Variants in CNTN5 observed in about 807,000 individuals in gnomAD.
CNTN5 encodes contactin 5.
Under a neutral mutation model 129.1 loss-of-function variants are expected in CNTN5, and 77 were observed. The observed-to-expected ratio is 0.60, with a 90% CI of 0.50 to 0.72. The LOEUF is 0.72. Ranked by LOEUF, CNTN5 falls within the 30% of genes least tolerant of loss-of-function variation. The pLI is 0.00. For missense variants in CNTN5, 1,478 were observed against 1,328.8 expected, an observed-to-expected ratio of 1.11 and a Z score of -1.75; for synonymous variants, 509 against 465.6, an observed-to-expected ratio of 1.09 and a Z score of -1.20.
intron 3 of CNTN5, among the ~76,000 whole-genome samples, chr11:99,556,501 C>T (rs1376583020): frequency 7.2e-6 from 1 of 139,276 alleles, no homozygotes; most frequent in Non-Finnish European, 1.5e-5. Context: ...TGAGTATTTA[C>T]CTCCTTGACA....
intron 15 of CNTN5, among the ~76,000 whole-genome samples, chr11:100,209,731 A>T (rs1948987486): frequency 6.6e-6 from 1 of 152,200 alleles, no homozygotes; most frequent in African/African-American, 2.4e-5. Context: ...TGATAAAAAC[A>T]AAAGCAGGTA....
chr11:99,339,808 T>G (rs1260967648), intron 2 of CNTN5, among the ~76,000 whole-genome samples: 1 of 150,208 alleles, frequency 6.7e-6, no homozygotes, highest in Non-Finnish European at 1.5e-5. Flanking sequence ...AAAAATGCCC[T>G]GAAGCAAGAA....
At chr11:100,003,399 T>A (rs1939999143) in intron 9 of CNTN5, among the ~76,000 whole-genome samples, 1 of 152,134 alleles carries the variant, frequency 6.6e-6, no homozygotes, top group African/African-American at 2.4e-5. Context: ...CTGTGTCAAA[T>A]AGGTCTGAAA....
At chr11:100,024,752 G>C (rs1199730044) in intron 9 of CNTN5, among the ~76,000 whole-genome samples, 3 of 152,190 alleles carry the variant, frequency 2.0e-5, no homozygotes. Flanking sequence ...CTTTGAACCT[G>C]AGAGAGATGT....
intron 3 of CNTN5, among the ~76,000 whole-genome samples, chr11:99,747,118 G>T (rs1944078778): frequency 6.6e-6 from 1 of 152,080 alleles, no homozygotes; most frequent in African/African-American, 2.4e-5. Context: ...TGTAGTTTCA[G>T]TGTACAGATA....
chr11:99,705,300 G>C (rs546511571), intron 3 of CNTN5, among the ~76,000 whole-genome samples: 13 of 151,310 alleles, frequency 8.6e-5, no homozygotes, highest in Non-Finnish European at 1.6e-4. Flanking sequence ...ACTGAATCCA[G>C]ATATGCTCTA....
In CNTN5 at chr11:99,816,833, G is replaced by C. The variant is rs544689442; in HGVS notation, c.56-2711G>C. Among the ~76,000 whole-genome samples the C allele has an allele frequency of 2.0e-5, 3 of 152,046 alleles. No homozygotes were observed. In the South Asian group the frequency reaches 6.2e-4, roughly 32 times the overall value. The stretch of plus-strand genomic sequence containing the variant: ...ACCTCTCTCCCTCATAATACCCTGC[G>C]CTCCTATTTTAATCCACCAAGCAGG... On this transcript the variant is annotated intron_variant, in intron 3 of 24. Transcript: ENST00000524871.
At chr11:100,249,417 T>A (rs1260991690) in intron 16 of CNTN5, among the ~76,000 whole-genome samples, 1 of 152,074 alleles carries the variant, frequency 6.6e-6, no homozygotes, top group Non-Finnish European at 1.5e-5. Context: ...TGCTCAGCAG[T>A]CCTCCCCATG....
intron 1 of CNTN5, among the ~76,000 whole-genome samples, chr11:99,285,935 G>A (rs1306750089): frequency 6.6e-6 from 1 of 151,534 alleles, no homozygotes; most frequent in African/African-American, 2.4e-5. Flanking sequence ...CTATTTGAGA[G>A]GCTGAGACAG....
intron 17 of CNTN5, among the ~76,000 whole-genome samples, chr11:100,256,188 G>C (rs1372260901): frequency 6.6e-6 from 1 of 152,074 alleles, no homozygotes; most frequent in Non-Finnish European, 1.5e-5. Flanking sequence ...TGCAAAAATA[G>C]TACAGAGTTC....
intron 24 of CNTN5, 23 bp from the exon 25 acceptor site, chr11:100,356,094 A>T: frequency 6.5e-7 from 1 of 1,550,320 alleles, no homozygotes; most frequent in Non-Finnish European, 8.9e-7. Flanking sequence ...AATTTGCTCC[A>T]TTTGATGCTT....
At chr11:99,375,332 A>AATAAAGT (rs1297723269) in intron 2 of CNTN5, among the ~76,000 whole-genome samples, 1 of 145,310 alleles carries the variant, frequency 6.9e-6, no homozygotes, top group African/African-American at 2.5e-5. Flanking sequence ...AAAAAGGAGA[A>AATAAAGT]ATAAAGTGAT....
At chr11:100,051,922 A>G (rs1942973705) in intron 9 of CNTN5, among the ~76,000 whole-genome samples, 1 of 151,526 alleles carries the variant, frequency 6.6e-6, no homozygotes. Context: ...TTCCATATCT[A>G]TCAGTGAAAT....
At chr11:99,069,754 G>A (rs1865261353) in intron 1 of CNTN5, among the ~76,000 whole-genome samples, 1 of 152,002 alleles carries the variant, frequency 6.6e-6, no homozygotes, top group South Asian at 2.1e-4. Flanking sequence ...TTTACATACC[G>A]GGTCTTTATC....
chr11:99,230,475 T>C (rs554432304), intron 1 of CNTN5, among the ~76,000 whole-genome samples: 1 of 152,270 alleles, frequency 6.6e-6, no homozygotes, highest in South Asian at 2.1e-4. Context: ...AGTTTGCTTA[T>C]TTGCTGTGTT....
intron 1 of CNTN5, among the ~76,000 whole-genome samples, chr11:99,245,446 G>A (rs1006006769): frequency 6.6e-6 from 1 of 152,082 alleles, no homozygotes; most frequent in African/African-American, 2.4e-5. Context: ...CGCCTCCCAA[G>A]TAACAGGGAT....
At chr11:100,080,729 C>T (rs1051604650) in intron 13 of CNTN5, among the ~76,000 whole-genome samples, 11 of 151,976 alleles carry the variant, frequency 7.2e-5, no homozygotes, top group South Asian at 2.1e-4. Context: ...ATATTAAGAA[C>T]GTAAAACAAT....
At chr11:100,262,128 G>A (rs2138750443) in intron 17 of CNTN5, among the ~76,000 whole-genome samples, 1 of 152,164 alleles carries the variant, frequency 6.6e-6, no homozygotes, top group East Asian at 1.9e-4. Flanking sequence ...TCAAAAAGTG[G>A]GCAAAGGATA....
chr11:99,951,646 G>A (rs1950679550), intron 7 of CNTN5, among the ~76,000 whole-genome samples: 1 of 152,034 alleles, frequency 6.6e-6, no homozygotes, highest in Non-Finnish European at 1.5e-5. Context: ...AAATCATGAA[G>A]TTATTTGATA....
Sources: allele counts gnomAD v4.1 joint callset (sites outside exome capture counted in the v4.1 genomes callset), GRCh38; gene constraint gnomAD v4.1.1; transcripts MANE v1.5; gene names NCBI Gene and HGNC (gene_info 2026-07-23, HGNC 2026-07-21).